STARD13: variants seen among roughly 807,000 people sequenced by gnomAD.
STARD13 encodes StAR related lipid transfer domain containing 13, also known as stAR-related lipid transfer protein 13.
A neutral mutation model predicts 106.4 loss-of-function variants in STARD13; 62 were observed. The observed-to-expected ratio is 0.58, with a 90% CI of 0.48 to 0.72. The LOEUF (loss-of-function observed/expected upper bound fraction) is 0.72. STARD13 is among the 30% of genes least tolerant of loss of function. STARD13 has a pLI of 0.00. For missense variants in STARD13, 1,387 were observed against 1,424.0 expected, an observed-to-expected ratio of 0.97 and a Z score of 0.42; for synonymous variants, 565 against 553.0, an observed-to-expected ratio of 1.02 and a Z score of -0.31.
At chr13:33,590,822 T>C in the STARD13 span, among the ~76,000 whole-genome samples, 2 of 152,154 alleles carry the variant, frequency 1.3e-5, no homozygotes, top group Non-Finnish European at 2.9e-5. Flanking sequence ...CACCTGCACG[T>C]TGTGCACATG....
At chr13:33,150,605 A>G (rs1487369934) in intron 3 of STARD13, among the ~76,000 whole-genome samples, 1 of 152,194 alleles carries the variant, frequency 6.6e-6, no homozygotes, top group Non-Finnish European at 1.5e-5. Context: ...ACTTGTTTCC[A>G]TACCCTCTCT....
chr13:33,340,934 C>T (rs2077952914), intron 1 of STARD13, among the ~76,000 whole-genome samples: 2 of 152,236 alleles, frequency 1.3e-5, no homozygotes, highest in Non-Finnish European at 2.9e-5. Context: ...TCCTGCACTA[C>T]TGTCCCAACA....
At chr13:33,250,521 T>C (rs542575562) in intron 1 of STARD13, among the ~76,000 whole-genome samples, 1 of 152,362 alleles carries the variant, frequency 6.6e-6, no homozygotes, top group Non-Finnish European at 1.5e-5. Context: ...CTGGAACCCA[T>C]GCTGGTACAG....
the STARD13 span, among the ~76,000 whole-genome samples, chr13:33,562,806 TACAG>T: frequency 6.8e-6 from 1 of 146,928 alleles, no homozygotes; most frequent in Non-Finnish European, 1.5e-5. Flanking sequence ...TTATATATAT[TACAG>T]ACAACTTCCT....
At chr13:33,475,946 A>G in the STARD13 span, among the ~76,000 whole-genome samples, 13 of 152,100 alleles carry the variant, frequency 8.5e-5, no homozygotes, top group East Asian at 2.5e-3. Flanking sequence ...ACAGAGCAAG[A>G]CTCTGTCTCA....
At chr13:33,560,721 CTTTAA>C in the STARD13 span, among the ~76,000 whole-genome samples, 4 of 151,474 alleles carry the variant, frequency 2.6e-5, no homozygotes, top group African/African-American at 9.8e-5. Context: ...CATTGCCCAT[CTTTAA>C]TTTAAAAATA....
At chr13:33,605,443 AC>A in the STARD13 span, among the ~76,000 whole-genome samples, 1 of 151,388 alleles carries the variant, frequency 6.6e-6, no homozygotes, top group African/African-American at 2.4e-5. Flanking sequence ...GTTTTCTAAG[AC>A]AGAGCTTCTA....
At chr13:33,414,358 G>T in the STARD13 span, among the ~76,000 whole-genome samples, 1 of 152,106 alleles carries the variant, frequency 6.6e-6, no homozygotes, top group Non-Finnish European at 1.5e-5. Flanking sequence ...ATTTTTAGCA[G>T]CTTTATTGAT....
chr13:33,513,870 C>T, the STARD13 span, among the ~76,000 whole-genome samples: 1 of 152,038 alleles, frequency 6.6e-6, no homozygotes, highest in African/African-American at 2.4e-5. Flanking sequence ...CCCCACTAAT[C>T]CACCAACAAC....
the STARD13 span, among the ~76,000 whole-genome samples, chr13:33,372,712 G>C: frequency 6.6e-6 from 1 of 151,606 alleles, no homozygotes; most frequent in African/African-American, 2.4e-5. Flanking sequence ...GAAAGTTCTT[G>C]AGCTGAAAAT....
intron 1 of STARD13, among the ~76,000 whole-genome samples, chr13:33,177,668 A>G (rs1339453107): frequency 6.6e-6 from 1 of 151,954 alleles, no homozygotes. Flanking sequence ...TTCTGTTACT[A>G]AGCAAAAATA....
chr13:33,354,887 AT>A (rs1205858768), upstream of STARD13, among the ~76,000 whole-genome samples: 1 of 151,698 alleles, frequency 6.6e-6, no homozygotes, highest in African/African-American at 2.4e-5. Flanking sequence ...TTTCCTTTTT[AT>A]TTTTTTCCTT....
chr13:33,506,564 T>C, the STARD13 span, among the ~76,000 whole-genome samples: 1 of 152,274 alleles, frequency 6.6e-6, no homozygotes, highest in East Asian at 1.9e-4. Context: ...TGTCATATAA[T>C]GAAGTGTCTC....
chr13:33,385,820 C>A, the STARD13 span, among the ~76,000 whole-genome samples: 5 of 134,254 alleles, frequency 3.7e-5, no homozygotes, highest in East Asian at 8.5e-4. Flanking sequence ...CACTGCACTC[C>A]AGCCTGGGCA....
At chr13:33,558,302 G>A in the STARD13 span, among the ~76,000 whole-genome samples, 1 of 151,948 alleles carries the variant, frequency 6.6e-6, no homozygotes, top group Non-Finnish European at 1.5e-5. Flanking sequence ...AGTGATATCT[G>A]CCTCACAGGT....
At chr13:33,460,235 C>G in the STARD13 span, among the ~76,000 whole-genome samples, 4 of 151,972 alleles carry the variant, frequency 2.6e-5, no homozygotes, top group Non-Finnish European at 5.9e-5. Flanking sequence ...TGTCTGTAAT[C>G]CCAGCACTTT....
At chr13:33,541,792 A>G in the STARD13 span, among the ~76,000 whole-genome samples, 1 of 152,254 alleles carries the variant, frequency 6.6e-6, no homozygotes, top group Non-Finnish European at 1.5e-5. Context: ...TTTTGGAATT[A>G]GTTTAAAATT....
At chr13:33,587,246 C>T in the STARD13 span, among the ~76,000 whole-genome samples, 1 of 151,332 alleles carries the variant, frequency 6.6e-6, no homozygotes, top group African/African-American at 2.4e-5. Context: ...CTCTTAGTTT[C>T]AGGCATTTCC....
chr13:33,357,450 T>C, the STARD13 span, among the ~76,000 whole-genome samples: 11 of 152,340 alleles, frequency 7.2e-5, no homozygotes, highest in African/African-American at 2.6e-4. Flanking sequence ...GCATTTTCTT[T>C]AGGAATTTCA....
Sources: allele counts gnomAD v4.1 joint callset (sites outside exome capture counted in the v4.1 genomes callset), GRCh38; gene constraint gnomAD v4.1.1; transcripts MANE v1.5; gene names NCBI Gene and HGNC (gene_info 2026-07-23, HGNC 2026-07-21).